Variants in ABI1 observed in about 807,000 individuals in gnomAD.
ABI1 encodes the protein Abelson interactor 1.
A neutral mutation model predicts 54.6 loss-of-function variants in ABI1; 14 were observed. The ratio of observed to expected loss-of-function variants is 0.26; its 90% CI spans 0.17 to 0.40. The LOEUF (loss-of-function observed/expected upper bound fraction) is 0.40, where lower values mean the gene tolerates loss of function less well. Among genes scored for constraint, ABI1 ranks in the 10% least tolerant of loss-of-function variants. ABI1 has a pLI of 1.00. For synonymous variants in ABI1, 194 were observed against 209.3 expected (o/e 0.93, Z 0.63); for missense variants, 443 against 598.3 (o/e 0.74, Z 2.71).
At chr10:26,791,228 TTAC>T (rs749826880) in intron 2 of ABI1, among the ~76,000 whole-genome samples, 1 of 151,940 alleles carries the variant, frequency 6.6e-6, no homozygotes, top group Non-Finnish European at 1.5e-5. Context: ...AAAGTAAAAA[TTAC>T]TAGAACACCC....
At chr10:26,827,167 C>T (rs2048354065) in intron 1 of ABI1, among the ~76,000 whole-genome samples, 1 of 152,034 alleles carries the variant, frequency 6.6e-6, no homozygotes, top group Non-Finnish European at 1.5e-5. Context: ...CCAGCCTCGG[C>T]CTCCCAAAGT....
intron 2 of ABI1, among the ~76,000 whole-genome samples, chr10:26,819,359 G>C (rs1368832969): frequency 6.6e-6 from 1 of 151,928 alleles, no homozygotes; most frequent in Non-Finnish European, 1.5e-5. Context: ...AAAGATAAAG[G>C]GTCTATTCAT....
rs892267956 is a variant in ABI1 at position 26,747,150 on chromosome 10, T to C, written c.*1420A>G. On this transcript the variant is annotated 3_prime_UTR_variant, in exon 11 of 11. Transcript: ENST00000376140. ...AGTCTTACCATTCACTATGCTGTTATAAGTCTGTAGCATCCAGTACATAAC... is the reference window on the plus strand; with the variant it reads ...AGTCTTACCATTCACTATGCTGTTACAAGTCTGTAGCATCCAGTACATAAC... 2.6e-5 allele frequency: 6 copies of C among 227,152 alleles called. No individual in the cohort carries two copies. The highest frequency in any genetic ancestry group is 5.2e-5 in the Non-Finnish European group (6 of 114,444). The allele number at this position is 227,152 out of a possible 1,614,324, so 14.1% of individuals were successfully genotyped here.
intron 6 of ABI1, among the ~76,000 whole-genome samples, chr10:26,766,512 A>T (rs1839972466): frequency 1.3e-5 from 2 of 152,222 alleles, no homozygotes; most frequent in African/African-American, 4.8e-5. Flanking sequence ...CTGCAATATG[A>T]TCATTCTATA....
chr10:26,836,579 CTT>C, intron 1 of ABI1, among the ~76,000 whole-genome samples: 1 of 152,296 alleles, frequency 6.6e-6, no homozygotes, highest in South Asian at 2.1e-4. Flanking sequence ...TCCTTTCCCT[CTT>C]GTGACATTTT....
rs764281688 is a variant in ABI1, at chr10:26,770,220, T to C, written c.578+25A>G. 8 of 1,590,380 alleles carry C rather than the reference T, an allele frequency of 5.0e-6. No individual in the cohort carries two copies. In the African/African-American group the frequency reaches 9.4e-5, roughly 19 times the overall value. On this transcript the variant is annotated intron_variant, in intron 5 of 10. Coordinates refer to ENST00000376140, the MANE Select transcript of ABI1 (RefSeq NM_001012750.3). ...CTTTTCCTTTAGCATATGAATTCTT[T>C]TGCAAAATGTAGTTGAATTCTTACC...
chr10:26,815,091 TA>T (rs1287732915), intron 2 of ABI1, among the ~76,000 whole-genome samples: 2 of 151,726 alleles, frequency 1.3e-5, no homozygotes, highest in East Asian at 1.9e-4. Flanking sequence ...CTGAGAGATT[TA>T]AAAAAAAATT....
intron 2 of ABI1, among the ~76,000 whole-genome samples, chr10:26,810,314 A>G (rs2047148137): frequency 6.6e-6 from 1 of 152,076 alleles, no homozygotes; most frequent in Admixed American, 6.6e-5. Context: ...AACATGTACA[A>G]CTTGTATCAT....
chr10:26,856,318 T>TG (rs2050806160), intron 1 of ABI1, among the ~76,000 whole-genome samples: 1 of 150,896 alleles, frequency 6.6e-6, no homozygotes, highest in South Asian at 2.1e-4. Flanking sequence ...AGATGGAATT[T>TG]GGGATTTGGA....
At chr10:26,751,865 T>A in intron 9 of ABI1, 82 bp from the exon 10 acceptor site, 1 of 1,285,386 alleles carries the variant, frequency 7.8e-7, no homozygotes, top group Non-Finnish European at 1.1e-6. Flanking sequence ...AAGAAAGCTC[T>A]AACTTAAGTA....
chr10:26,786,220 C>CT (rs112500030), intron 2 of ABI1, among the ~76,000 whole-genome samples: 12,305 of 146,406 alleles, frequency 0.084, 563 homozygotes, highest in East Asian at 0.2. Context: ...CCTCTCTACA[C>CT]TTTTTTTTTT....
At chr10:26,748,816 G>T in intron 10 of ABI1, 71 bp from the exon 11 acceptor site, 1 of 1,130,962 alleles carries the variant, frequency 8.8e-7, no homozygotes, top group Non-Finnish European at 1.3e-6. Context: ...TTAAGACAAA[G>T]ACAATTAAAT....
At chr10:26,803,911 G>T (rs2046717282) in intron 2 of ABI1, among the ~76,000 whole-genome samples, 1 of 151,420 alleles carries the variant, frequency 6.6e-6, no homozygotes, top group South Asian at 2.1e-4. Flanking sequence ...AAATAAGTAC[G>T]CATACAAATA....
intron 2 of ABI1, among the ~76,000 whole-genome samples, chr10:26,805,995 A>G (rs143709897): frequency 6.6e-6 from 1 of 152,064 alleles, no homozygotes; most frequent in East Asian, 1.9e-4. Flanking sequence ...CTACATTCTA[A>G]TCACCCTGAA....
chr10:26,843,560 G>C (rs1473490035), intron 1 of ABI1, among the ~76,000 whole-genome samples: 4 of 130,034 alleles, frequency 3.1e-5, no homozygotes, highest in South Asian at 2.5e-4. Flanking sequence ...ACTATAAAAG[G>C]AATGTATTGC....
At chr10:26,806,780 T>C (rs1564523347) in intron 2 of ABI1, among the ~76,000 whole-genome samples, 1 of 152,100 alleles carries the variant, frequency 6.6e-6, no homozygotes, top group African/African-American at 2.4e-5. Context: ...AAATGAGTAA[T>C]ATCAGTGCAA....
chr10:26,797,888 CT>C (rs1370040710), intron 2 of ABI1, among the ~76,000 whole-genome samples: 1 of 152,102 alleles, frequency 6.6e-6, no homozygotes, highest in Non-Finnish European at 1.5e-5. Context: ...AAGTAACAGA[CT>C]TTATGTCTTG....
intron 2 of ABI1, among the ~76,000 whole-genome samples, chr10:26,783,198 G>T (rs906397546): frequency 1.3e-5 from 2 of 152,164 alleles, no homozygotes; most frequent in African/African-American, 4.8e-5. Context: ...AAATACGCCA[G>T]TCACAAAAAG....
chr10:26,771,709 C>T (rs2132772360), intron 3 of ABI1, among the ~76,000 whole-genome samples: 1 of 152,288 alleles, frequency 6.6e-6, no homozygotes, highest in East Asian at 1.9e-4. Flanking sequence ...CTGGAAAACT[C>T]TCTCATTCCT....
Sources: allele counts gnomAD v4.1 joint callset (sites outside exome capture counted in the v4.1 genomes callset), GRCh38; gene constraint gnomAD v4.1.1; transcripts MANE v1.5; gene names NCBI Gene and HGNC (gene_info 2026-07-23, HGNC 2026-07-21).